Variants in IRAK3 observed in about 807,000 individuals in gnomAD.
IRAK3 encodes the protein interleukin-1 receptor-associated kinase 3.
IRAK3 carries 57 observed loss-of-function variants against 56.6 expected under a neutral mutation model. The ratio of observed to expected loss-of-function variants is 1.01; its 90% CI spans 0.81 to 1.26. IRAK3 has a LOEUF of 1.26. Among genes scored for constraint, IRAK3 ranks in the 50% most tolerant of loss-of-function variants. The pLI, the probability that IRAK3 is intolerant of heterozygous loss-of-function variation, is 0.00. For missense variants in IRAK3, 703 were observed against 719.0 expected, an observed-to-expected ratio of 0.98 and a Z score of 0.25; for synonymous variants, 258 against 255.7, an observed-to-expected ratio of 1.01 and a Z score of -0.09.
At chr12:66,247,268 TC>T (rs111684077) in intron 11 of IRAK3, among the ~76,000 whole-genome samples, 1,787 of 9,736 alleles carry the variant, frequency 0.18, 41 homozygotes, top group African/African-American at 0.19. Context: ...AGACTCCATC[TC>T]AAAAAAAAAC....
chr12:66,241,274 GAACAA>G (rs768210720), intron 8 of IRAK3, among the ~76,000 whole-genome samples: 19 of 152,124 alleles, frequency 1.2e-4, no homozygotes, highest in Non-Finnish European at 2.4e-4. Flanking sequence ...ATAAAGAGTA[GAACAA>G]ATCGATTGTA....
intron 1 of IRAK3, chr12:66,198,126 T>C (rs1392790477): frequency 4.1e-6 from 4 of 983,580 alleles, no homozygotes; most frequent in Non-Finnish European, 4.8e-6. Context: ...ACCCGATGCA[T>C]CTTCCAAAAG....
chr12:66,230,741 A>C (rs1002246800), intron 8 of IRAK3, among the ~76,000 whole-genome samples: 2 of 152,110 alleles, frequency 1.3e-5, no homozygotes, highest in Admixed American at 1.3e-4. Flanking sequence ...GCACCATGGC[A>C]GCCACCACAG....
intron 8 of IRAK3, among the ~76,000 whole-genome samples, chr12:66,230,757 A>G (rs963555130): frequency 6.6e-6 from 1 of 152,096 alleles, no homozygotes; most frequent in Non-Finnish European, 1.5e-5. Flanking sequence ...CACAGCTATG[A>G]AGGAAGATTT....
chr12:66,237,505 G>A (rs149345880), intron 8 of IRAK3, among the ~76,000 whole-genome samples: 2 of 152,310 alleles, frequency 1.3e-5, no homozygotes, highest in African/African-American at 4.8e-5. Flanking sequence ...TCTTTCATGA[G>A]TAGCTGAGTA....
At chr12:66,198,780 G>A (rs1212549183) in intron 1 of IRAK3, among the ~76,000 whole-genome samples, 1 of 144,666 alleles carries the variant, frequency 6.9e-6, no homozygotes, top group African/African-American at 2.6e-5. Context: ...TTTGGAGGCA[G>A]AGTCTCACTC....
intron 6 of IRAK3, among the ~76,000 whole-genome samples, chr12:66,222,048 A>C (rs1265380688): frequency 6.6e-6 from 1 of 152,140 alleles, no homozygotes; most frequent in East Asian, 1.9e-4. Flanking sequence ...ACAAACAAAC[A>C]AACAAAAAAT....
chr12:66,232,966 A>G (rs1015765271), intron 8 of IRAK3, among the ~76,000 whole-genome samples: 10 of 151,484 alleles, frequency 6.6e-5, no homozygotes, highest in Admixed American at 2.6e-4. Context: ...TGAGTCACAA[A>G]AGACTTTATC....
In IRAK3 at chr12:66,220,514, C is replaced by CT. The variant is rs1555203808; in HGVS notation, c.653+3303dup. 2.4e-3 allele frequency among the ~76,000 whole-genome samples: 164 copies of CT among 67,322 alleles called. 1 individual carries two copies. Among genetic ancestry groups the CT allele is most frequent in the African/African-American group, 8.1e-3 (110 of 13,656 alleles). The allele number at this position is 67,322 out of a possible 152,430, so 44.2% of individuals were successfully genotyped here. ...AATGCCTCTGGCTTTGTTCTTCTTT[C>CT]TTTTTTTTTTTTTTTTTTTTTTTTG... On this transcript the variant is annotated intron_variant, in intron 6 of 11. Transcript: ENST00000261233.
chr12:66,207,056 C>T (rs2136921771), intron 2 of IRAK3, among the ~76,000 whole-genome samples: 1 of 152,160 alleles, frequency 6.6e-6, no homozygotes, highest in African/African-American at 2.4e-5. Flanking sequence ...GATGTCCCCC[C>T]TTTTATTCTT....
At position 66,252,667 on chromosome 12, in the gene IRAK3, T is replaced by C. The variant is rs2053111937; in HGVS notation, c.*4496T>C. 1 of 152,220 alleles carries C rather than the reference T, an allele frequency of 6.6e-6. No homozygotes were observed. Among genetic ancestry groups the C allele is most frequent in the Admixed American group, 6.5e-5 (1 of 15,278 alleles). 9.4% of individuals were successfully genotyped at this position (152,220 alleles called of 1,614,324 possible). A position where few individuals can be genotyped will look rare whatever the true frequency, so the allele number is the denominator to read the frequency against. On this transcript the variant is annotated 3_prime_UTR_variant, in exon 12 of 12. Coordinates refer to ENST00000261233, the MANE Select transcript of IRAK3 (RefSeq NM_007199.3). Reference sequence around the variant, plus strand: ...AAGCTCACTGCCCTCATGGAGCTTATATGTAAGTGAATAAATCTCAGGGTG... The same window carrying C: ...AAGCTCACTGCCCTCATGGAGCTTACATGTAAGTGAATAAATCTCAGGGTG...
At chr12:66,240,931 A>G (rs1226687187) in intron 8 of IRAK3, among the ~76,000 whole-genome samples, 2 of 151,846 alleles carry the variant, frequency 1.3e-5, no homozygotes, top group Non-Finnish European at 2.9e-5. Flanking sequence ...TGGTATTTTC[A>G]CTTGAATTCA....
Position 66,248,045 on chromosome 12 carries a change from G to C in IRAK3, c.1665G>C (p.Arg555Ser). 1 of 1,584,704 alleles carries C rather than the reference G, an allele frequency of 6.3e-7. No individual in the cohort carries two copies. The highest frequency in any genetic ancestry group is 8.6e-7 in the Non-Finnish European group (1 of 1,168,172). Residue 555 changes from arginine to serine, a missense_variant, in exon 12 of 12, where the codon AGG (arginine) becomes AGC (serine). Coordinates refer to ENST00000261233, the MANE Select transcript of IRAK3 (RefSeq NM_007199.3). ...ATATAGTTCCATCCCAGGACTTAAG[G>C]CCCTATAAGGTAAATATAGATCCTT... is the stretch of plus-strand genomic sequence containing the variant. The part of the protein sequence containing the change: ...PKYIVPSQDL[R>S]PYKVNIDPSS...
In IRAK3 at chr12:66,253,498, GAC is replaced by G. The variant is rs1333690519; in HGVS notation, c.*5329_*5330del. The G allele has an allele frequency of 1.3e-5, 2 of 152,124 alleles. No homozygotes were observed. Among genetic ancestry groups the G allele is most frequent in the African/African-American group, 4.8e-5 (2 of 41,438 alleles). 9.4% of individuals were successfully genotyped at this position (152,124 alleles called of 1,614,324 possible). A position where few individuals can be genotyped will look rare whatever the true frequency, so the allele number is the denominator to read the frequency against. The stretch of plus-strand genomic sequence containing the variant: ...TTGACTTGCAAGTATTTTCCTGGGA[GAC>G]ATTTTTATTCAAAAGACCTGTATTG... On this transcript the variant is annotated 3_prime_UTR_variant, in exon 12 of 12. Coordinates refer to ENST00000261233, the MANE Select transcript of IRAK3 (RefSeq NM_007199.3).
At position 66,209,477 on chromosome 12, in the gene IRAK3, A is replaced by G; in HGVS notation, c.338A>G (p.Glu113Gly). The part of the protein sequence containing the change: ...TNYGAVLSPS[E>G]KSYQEGGFPN... ...TCAGGAGCAGTGTTGAGTCCTTCAG[A>G]GAAGAGTTATCAGGAAGGTGGATTT... Residue 113 changes from glutamate to glycine, a missense_variant, in exon 3 of 12, where the codon GAG (glutamate) becomes GGG (glycine). By Grantham distance (98) the Glu-to-Gly change is moderately conservative. Transcript: ENST00000261233. 6.2e-7 allele frequency: 1 copy of G among 1,607,132 alleles called. No homozygotes were observed. The highest frequency in any genetic ancestry group is 1.1e-5 in the South Asian group (1 of 90,964).
intron 1 of IRAK3, among the ~76,000 whole-genome samples, chr12:66,203,449 A>G (rs1174017936): frequency 6.6e-6 from 1 of 152,190 alleles, no homozygotes; most frequent in East Asian, 1.9e-4. Context: ...TAGAACAGAA[A>G]AGAGGCATTA....
Position 66,197,349 on chromosome 12 carries a change from A to C in IRAK3, c.134-6362A>C, listed in dbSNP as rs543648736. 1.5e-4 allele frequency: 148 copies of C among 1,014,656 alleles called. 1 individual carries two copies. The South Asian group carries it at 6.2e-3, about 43-fold the overall frequency. 62.9% of individuals were successfully genotyped at this position (1,014,656 alleles called of 1,614,324 possible). The stretch of plus-strand genomic sequence containing the variant: ...TTCTGAAAGGGGACACGTAAGGGAG[A>C]GTTGAAGAAAATGATAAATATTGAA... On this transcript the variant is annotated intron_variant, in intron 1 of 11. Transcript: ENST00000261233.
In IRAK3 at chr12:66,248,190, GA is replaced by G. The variant is rs2136955931; in HGVS notation, c.*25del. 6.3e-7 allele frequency: 1 copy of G among 1,595,016 alleles called. No individual in the cohort carries two copies. The highest frequency in any genetic ancestry group is 2.2e-5 in the East Asian group (1 of 44,814). On this transcript the variant is annotated 3_prime_UTR_variant, in exon 12 of 12. Coordinates refer to ENST00000261233, the MANE Select transcript of IRAK3 (RefSeq NM_007199.3). ...AGAATAAATTCTACCAGAAGATAAA[GA>G]AAAAAGCAAGTATTGCATAGGCACC... is the stretch of plus-strand genomic sequence containing the variant.
At chr12:66,204,367 G>A (rs2052537234) in intron 2 of IRAK3, among the ~76,000 whole-genome samples, 1 of 152,068 alleles carries the variant, frequency 6.6e-6, no homozygotes. Flanking sequence ...ATAATCTGGG[G>A]ATGTTTCTTT....
Sources: allele counts gnomAD v4.1 joint callset (sites outside exome capture counted in the v4.1 genomes callset), GRCh38; gene constraint gnomAD v4.1.1; transcripts MANE v1.5; gene names NCBI Gene and HGNC (gene_info 2026-07-23, HGNC 2026-07-21).